The following PPP2R2B variants were observed in gnomAD, a reference collection of about 807,000 sequenced individuals.
PPP2R2B encodes protein phosphatase 2 regulatory subunit Bbeta.
In PPP2R2B, 5 loss-of-function variants were observed where a neutral mutation model predicts 46.0. That is an observed-to-expected ratio of 0.11 (90% CI 0.06 to 0.23). PPP2R2B has a LOEUF of 0.23. PPP2R2B is among the 10% of genes least tolerant of loss of function. The probability of loss-of-function intolerance (pLI) is 1.00; values close to 1 mark genes in which losing one functional copy is unlikely to be tolerated. For synonymous variants in PPP2R2B, 215 were observed against 206.7 expected (o/e 1.04, Z -0.34); for missense variants, 367 against 575.0 (o/e 0.64, Z 3.70).
chr5:146,765,057 G>A (rs1471690098), intron 2 of PPP2R2B, among the ~76,000 whole-genome samples: 1 of 152,188 alleles, frequency 6.6e-6, no homozygotes, highest in Non-Finnish European at 1.5e-5. Context: ...TTTGTTAAAA[G>A]TGTGTCATAC....
chr5:146,985,403 G>A (rs1753382203), intron 1 of PPP2R2B, among the ~76,000 whole-genome samples: 1 of 152,150 alleles, frequency 6.6e-6, no homozygotes, highest in Non-Finnish European at 1.5e-5. Context: ...AGCTTTTTAA[G>A]TCTAATATAA....
chr5:146,827,542 C>T (rs767377616), intron 2 of PPP2R2B, among the ~76,000 whole-genome samples: 2 of 152,134 alleles, frequency 1.3e-5, no homozygotes, highest in Non-Finnish European at 2.9e-5. Flanking sequence ...GCCTTAACTC[C>T]ATTTATTTAT....
At chr5:146,975,432 C>T (rs1235705945) in intron 1 of PPP2R2B, among the ~76,000 whole-genome samples, 1 of 152,142 alleles carries the variant, frequency 6.6e-6, no homozygotes, top group African/African-American at 2.4e-5. Context: ...TTGCTTTCAA[C>T]TTTTGGCTAT....
chr5:146,762,494 G>A lies in PPP2R2B; in HGVS notation c.71-61352C>T, dbSNP rs146114415. Among the ~76,000 whole-genome samples, 4 of 152,336 alleles carry A rather than the reference G, an allele frequency of 2.6e-5. No individual in the cohort carries two copies. The East Asian group carries it at 7.7e-4, about 29-fold the overall frequency. ...GTTCACTACTCTTTCTATTCAAGGT[G>A]CTGTGCTAAGATTTTGGGTAATAGA... On this transcript the variant is annotated intron_variant, in intron 2 of 9. Coordinates refer to ENST00000394411, the MANE Select transcript of PPP2R2B (RefSeq NM_181675.4).
chr5:146,707,286 T>C (rs1214960707), intron 2 of PPP2R2B: 12 of 1,557,716 alleles, frequency 7.7e-6, no homozygotes, highest in Non-Finnish European at 1.1e-5. Flanking sequence ...CCAGGAACCG[T>C]ACCTTGTCGA....
At chr5:147,045,376 A>G (rs1207285280) in intron 1 of PPP2R2B, among the ~76,000 whole-genome samples, 1 of 152,156 alleles carries the variant, frequency 6.6e-6, no homozygotes, top group Non-Finnish European at 1.5e-5. Context: ...ACAATTGCCC[A>G]CAGAATTCAG....
At chr5:146,780,395 G>A (rs1755439152) in intron 2 of PPP2R2B, among the ~76,000 whole-genome samples, 1 of 152,178 alleles carries the variant, frequency 6.6e-6, no homozygotes, top group African/African-American at 2.4e-5. Context: ...GAGAACCAAT[G>A]TTTGCTGAAT....
At chr5:146,720,978 G>C (rs1780763749) in intron 2 of PPP2R2B, among the ~76,000 whole-genome samples, 1 of 152,160 alleles carries the variant, frequency 6.6e-6, no homozygotes, top group South Asian at 2.1e-4. Flanking sequence ...GAATACATAA[G>C]AGAATCAGAC....
At chr5:146,929,155 T>G (rs998049858) in intron 1 of PPP2R2B, among the ~76,000 whole-genome samples, 1 of 152,176 alleles carries the variant, frequency 6.6e-6, no homozygotes, top group Non-Finnish European at 1.5e-5. Context: ...CTCTCTCTTC[T>G]TCCACATCCC....
At chr5:146,992,052 A>G (rs1487775472) in intron 1 of PPP2R2B, among the ~76,000 whole-genome samples, 1 of 152,192 alleles carries the variant, frequency 6.6e-6, no homozygotes, top group Non-Finnish European at 1.5e-5. Flanking sequence ...ACTACAAAAA[A>G]TCCCAAATAG....
intron 7 of PPP2R2B, among the ~76,000 whole-genome samples, chr5:146,629,572 T>TA (rs1774285263): frequency 6.6e-6 from 1 of 152,104 alleles, no homozygotes; most frequent in Admixed American, 6.5e-5. Context: ...TCATAAACAG[T>TA]ATTCACTTCC....
Position 146,701,113 on chromosome 5 carries a change from G to A in PPP2R2B, c.100C>T (p.His34Tyr). The change falls in exon 3 of 10, where the codon CAC (histidine) becomes TAC (tyrosine). Residue 34 changes from histidine (H) to tyrosine (Y), a missense_variant. Physicochemically the swap from His to Tyr is moderately conservative, Grantham distance 83 (BLOSUM62 2). Transcript: ENST00000394411. Reference sequence around the variant, plus strand: ...CCTGTCGCTAGTAATTCTCCCGTGTGGTTGAATTCTACCGTAGAGATAATG... The same window carrying A: ...CCTGTCGCTAGTAATTCTCCCGTGTAGTTGAATTCTACCGTAGAGATAATG... ...ADIISTVEFN[H>Y]TGELLATGDK... The A allele has an allele frequency of 2.5e-6, 4 of 1,613,918 alleles. No homozygotes were observed. Among genetic ancestry groups the A allele is most frequent in the Non-Finnish European group, 3.4e-6 (4 of 1,179,834 alleles).
chr5:146,899,301 A>G (rs1048714628), intron 1 of PPP2R2B, among the ~76,000 whole-genome samples: 1 of 148,814 alleles, frequency 6.7e-6, no homozygotes, highest in Admixed American at 6.7e-5. Context: ...GCCATAAAAA[A>G]TGATGAGTTC....
chr5:146,901,538 C>T (rs914659940), intron 1 of PPP2R2B, among the ~76,000 whole-genome samples: 1 of 151,950 alleles, frequency 6.6e-6, no homozygotes, highest in African/African-American at 2.4e-5. Context: ...AACTCCCCTA[C>T]ATTTCCAATG....
intron 1 of PPP2R2B, among the ~76,000 whole-genome samples, chr5:146,964,309 C>A (rs1400480687): frequency 6.6e-6 from 1 of 152,118 alleles, no homozygotes; most frequent in Non-Finnish European, 1.5e-5. Flanking sequence ...TGAGGTTAAA[C>A]AATTTTGGCA....
At chr5:146,809,508 G>A (rs1757393066) in intron 2 of PPP2R2B, among the ~76,000 whole-genome samples, 1 of 152,040 alleles carries the variant, frequency 6.6e-6, no homozygotes, top group Non-Finnish European at 1.5e-5. Context: ...AAGGCACTAT[G>A]GTAGCAATGA....
intron 1 of PPP2R2B, among the ~76,000 whole-genome samples, chr5:146,995,280 A>G (rs1397706626): frequency 2.6e-5 from 4 of 152,238 alleles, no homozygotes; most frequent in African/African-American, 9.6e-5. Flanking sequence ...GCCTTTTTAA[A>G]TGTTGTATCC....
intron 7 of PPP2R2B, among the ~76,000 whole-genome samples, chr5:146,616,434 T>C (rs1773175532): frequency 6.6e-6 from 1 of 151,870 alleles, no homozygotes; most frequent in South Asian, 2.1e-4. Context: ...GTCAACAAAA[T>C]GAAAACCCAT....
chr5:146,934,830 T>C, intron 1 of PPP2R2B, among the ~76,000 whole-genome samples: 1 of 151,976 alleles, frequency 6.6e-6, no homozygotes. Context: ...ATAGAGCACG[T>C]TCTTCCAGAT....
Sources: gnomAD v4.1 joint callset for allele counts (sites outside exome capture counted in the v4.1 genomes callset) on GRCh38, gnomAD v4.1.1 for gene constraint, MANE v1.5 for transcripts, NCBI Gene and HGNC (gene_info 2026-07-23, HGNC 2026-07-21) for gene names.